Variants in THOC2 observed in about 807,000 individuals in gnomAD.
The protein encoded by THOC2 is THO complex 2.
THOC2 carries 10 observed loss-of-function variants against 128.4 expected under a neutral mutation model. That is an observed-to-expected ratio of 0.08 (90% CI 0.05 to 0.13). The LOEUF is 0.13. Ranked by LOEUF, THOC2 falls within the 10% of genes least tolerant of loss-of-function variation. THOC2 has a pLI of 1.00. For missense variants in THOC2, 535 were observed against 1,155.7 expected, an observed-to-expected ratio of 0.46 and a Z score of 7.79; for synonymous variants, 393 against 396.9, an observed-to-expected ratio of 0.99 and a Z score of 0.12.
At chrX:123,718,178 C>T (rs2051514129) in intron 1 of THOC2, among the ~76,000 whole-genome samples, 1 of 112,037 alleles carries the variant, frequency 8.9e-6, no homozygotes, top group Non-Finnish European at 1.9e-5. Context: ...GTACCAAGAA[C>T]ACATAATGGG....
chrX:123,730,849 C>T (rs1228491029), intron 1 of THOC2, among the ~76,000 whole-genome samples: 4 of 111,918 alleles, frequency 3.6e-5, no homozygotes, highest in African/African-American at 1.3e-4. Flanking sequence ...GAGGCTGAGA[C>T]AGGAGAATCG....
intron 1 of THOC2, among the ~76,000 whole-genome samples, chrX:123,732,079 C>T (rs2052289455): frequency 9.1e-6 from 1 of 110,433 alleles, no homozygotes. Context: ...AGCGCTCTAA[C>T]GTGGGGGCGA....
chrX:123,685,056 G>GTAT (rs995602616), intron 8 of THOC2, among the ~76,000 whole-genome samples: 10 of 112,129 alleles, frequency 8.9e-5, no homozygotes, highest in African/African-American at 3.2e-4. Flanking sequence ...ATACCAAAAG[G>GTAT]TAAATGGAGG....
rs763312291 is a variant in THOC2 at position 123,649,208 on chromosome X, G to C, written c.1387-3833C>G. On this transcript the variant is annotated intron_variant, in intron 12 of 38. Transcript: ENST00000245838. ...AGTGGACCTCCAGCAAACTCCAGCAGACCTGCAGCAGAGGGGCCTGACTAT... is the reference window on the plus strand; with the variant it reads ...AGTGGACCTCCAGCAAACTCCAGCACACCTGCAGCAGAGGGGCCTGACTAT... Among the ~76,000 whole-genome samples, 17 of 112,389 alleles carry C rather than the reference G, an allele frequency of 1.5e-4. No homozygotes were observed. The South Asian group carries it at 6.2e-3, about 41-fold the overall frequency.
At chrX:123,622,721 G>A (rs1422110304) in intron 30 of THOC2, 37 bp downstream of exon 30, 1 of 960,636 alleles carries the variant, frequency 1.0e-6, no homozygotes, top group Admixed American at 2.9e-5. Flanking sequence ...TTTTTAAAAA[G>A]AATTTAGAAT....
intron 12 of THOC2, among the ~76,000 whole-genome samples, chrX:123,648,008 T>A (rs188623979): frequency 8.1e-5 from 9 of 110,929 alleles, no homozygotes; most frequent in African/African-American, 2.6e-4. Context: ...ACGGGTTCGG[T>A]GGCTGGCAAG....
At chrX:123,702,225 A>C (rs769136791) in intron 4 of THOC2, among the ~76,000 whole-genome samples, 3 of 111,098 alleles carry the variant, frequency 2.7e-5, no homozygotes, top group African/African-American at 9.8e-5. Flanking sequence ...ACTTGAAGCC[A>C]GGCATTCAAG....
intron 4 of THOC2, among the ~76,000 whole-genome samples, chrX:123,701,178 C>T (rs1444280336): frequency 6.3e-5 from 7 of 111,500 alleles, no homozygotes; most frequent in Admixed American, 3.8e-4. Flanking sequence ...CATGGTGAAA[C>T]CCCATCTCTA....
At position 123,721,854 on chromosome X, in the gene THOC2, G is replaced by A. The variant is rs193155452; in HGVS notation, c.72-8946C>T. On this transcript the variant is annotated intron_variant, in intron 1 of 38. Coordinates refer to ENST00000245838, the MANE Select transcript of THOC2 (RefSeq NM_001081550.2). ...TAGCCTATATGATGAAATTTAAAAGGTTGCATAAATAATTTCTGCCACACA... is the reference window on the plus strand; with the variant it reads ...TAGCCTATATGATGAAATTTAAAAGATTGCATAAATAATTTCTGCCACACA... Among the ~76,000 whole-genome samples the A allele has an allele frequency of 1.3e-4, 14 of 111,355 alleles. No homozygotes were observed. In the East Asian group the frequency reaches 4.0e-3, roughly 32 times the overall value.
intron 18 of THOC2, among the ~76,000 whole-genome samples, chrX:123,636,897 G>A (rs2047693989): frequency 8.9e-6 from 1 of 112,057 alleles, no homozygotes; most frequent in Non-Finnish European, 1.9e-5. Context: ...ATACAGAAAA[G>A]TAAACAAATA....
chrX:123,640,437 T>G (rs2047868423), intron 16 of THOC2, 101 bp downstream of exon 16: 1 of 580,373 alleles, frequency 1.7e-6, no homozygotes, highest in Non-Finnish European at 2.7e-6. Context: ...AGCATAACCT[T>G]ACAATGTTTC....
intron 38 of THOC2, 106 bp downstream of exon 38, chrX:123,610,812 A>G (rs2046674010): frequency 3.0e-6 from 2 of 671,794 alleles, no homozygotes; most frequent in Admixed American, 8.0e-5. Context: ...TTTAGGTGAA[A>G]AAAACAAGTA....
chrX:123,696,258 C>T (rs2050442593), intron 6 of THOC2, 104 bp from the exon 7 acceptor site: 1 of 522,489 alleles, frequency 1.9e-6, no homozygotes, highest in Non-Finnish European at 3.1e-6. Context: ...CAACCTACAA[C>T]AATCCTAAGA....
intron 22 of THOC2, among the ~76,000 whole-genome samples, chrX:123,629,733 G>A (rs146418620): frequency 1.1e-3 from 128 of 111,599 alleles, no homozygotes; most frequent in African/African-American, 3.5e-3. Context: ...ATAGCAGTTG[G>A]GAAAACAGAG....
At chrX:123,705,038 C>T (rs1205027398) in intron 3 of THOC2, among the ~76,000 whole-genome samples, 1 of 111,164 alleles carries the variant, frequency 9.0e-6, no homozygotes, top group Non-Finnish European at 1.9e-5. Context: ...GTATAGCAAC[C>T]CTAAAATTAG....
chrX:123,703,543 A>G, intron 3 of THOC2, 38 bp from the exon 4 acceptor site: 1 of 927,008 alleles, frequency 1.1e-6, no homozygotes, highest in Non-Finnish European at 1.5e-6. Context: ...ATAGCAAAAA[A>G]GCACACAGCA....
chrX:123,622,214 A>G (rs2047111638), intron 30 of THOC2, among the ~76,000 whole-genome samples: 1 of 111,290 alleles, frequency 9.0e-6, no homozygotes, highest in Non-Finnish European at 1.9e-5. Flanking sequence ...CCTGGTCAAC[A>G]TGGCAAAACC....
In THOC2 at chrX:123,638,918, T is replaced by A. The variant is rs2047797914; in HGVS notation, c.1840+16A>T. 1 of 978,076 alleles carries A rather than the reference T, an allele frequency of 1.0e-6. No homozygotes were observed. The highest frequency in any genetic ancestry group is 2.7e-5 in the Admixed American group (1 of 37,278). 80.6% of individuals were successfully genotyped at this position (978,076 alleles called of 1,213,427 possible). On this transcript the variant is annotated intron_variant, in intron 17 of 38. Coordinates refer to ENST00000245838, the MANE Select transcript of THOC2 (RefSeq NM_001081550.2). ...TTAAATATGAAATCTACATATTACT[T>A]CACTTGAAAGGATACAGGCCAAGAC...
chrX:123,610,882 T>C lies in THOC2; in HGVS notation c.*18+36A>G, dbSNP rs1220527811. 46 of 1,125,429 alleles carry C rather than the reference T, an allele frequency of 4.1e-5. No individual in the cohort carries two copies. In the Admixed American group the frequency reaches 1.1e-3, roughly 26 times the overall value. 92.7% of individuals were successfully genotyped at this position (1,125,429 alleles called of 1,213,427 possible). A position where few individuals can be genotyped will look rare whatever the true frequency, so the allele number is the denominator to read the frequency against. Reference sequence around the variant, plus strand: ...ATTATCAGAACTCATTTTATGTTTCTATCATTAAGTGAAAAGGTGGTGAGA... The same window carrying C: ...ATTATCAGAACTCATTTTATGTTTCCATCATTAAGTGAAAAGGTGGTGAGA... On this transcript the variant is annotated intron_variant, in intron 38 of 38. Transcript: ENST00000245838.
Sources: gnomAD v4.1 joint callset for allele counts (sites outside exome capture counted in the v4.1 genomes callset) on GRCh38, gnomAD v4.1.1 for gene constraint, MANE v1.5 for transcripts, NCBI Gene and HGNC (gene_info 2026-07-23, HGNC 2026-07-21) for gene names.